The following LSAMP variants were observed in gnomAD, a reference collection of about 807,000 sequenced individuals.
LSAMP encodes the protein limbic system associated membrane protein.
In LSAMP, 7 loss-of-function variants were observed where a neutral mutation model predicts 38.6. The ratio of observed to expected loss-of-function variants is 0.18; its 90% CI spans 0.10 to 0.34. The LOEUF (loss-of-function observed/expected upper bound fraction) is 0.34, where lower values mean the gene tolerates loss of function less well. Among genes scored for constraint, LSAMP ranks in the 10% least tolerant of loss-of-function variants. The probability of loss-of-function intolerance (pLI) is 1.00; values close to 1 mark genes in which losing one functional copy is unlikely to be tolerated. For synonymous variants in LSAMP, 154 were observed against 166.8 expected (o/e 0.92, Z 0.59); for missense variants, 313 against 420.0 (o/e 0.75, Z 2.23).
chr3:115,984,134 C>T (rs1403021517), intron 3 of LSAMP, among the ~76,000 whole-genome samples: 1 of 151,864 alleles, frequency 6.6e-6, no homozygotes, highest in Non-Finnish European at 1.5e-5. Flanking sequence ...AGCTTAGAAT[C>T]AAGCTGGGTA....
At chr3:115,851,303 A>G (rs1935324001) in intron 4 of LSAMP, among the ~76,000 whole-genome samples, 1 of 152,140 alleles carries the variant, frequency 6.6e-6, no homozygotes, top group Non-Finnish European at 1.5e-5. Flanking sequence ...AATGCTGCAC[A>G]TAGTAGGTAT....
At chr3:116,074,920 C>T (rs11916641) in intron 2 of LSAMP, among the ~76,000 whole-genome samples, 2,643 of 147,294 alleles carry the variant, frequency 0.018, 82 homozygotes, top group African/African-American at 0.065. Flanking sequence ...CTCGGCTCAC[C>T]GCAACCTCCG....
intron 1 of LSAMP, among the ~76,000 whole-genome samples, chr3:116,303,459 AT>A (rs578198270): frequency 6.6e-6 from 1 of 152,126 alleles, no homozygotes; most frequent in Admixed American, 6.6e-5. Flanking sequence ...ATCTCAAATA[AT>A]TTTTTTCTAT....
intron 1 of LSAMP, among the ~76,000 whole-genome samples, chr3:116,348,659 C>T (rs963259670): frequency 2.0e-5 from 3 of 152,084 alleles, no homozygotes; most frequent in South Asian, 2.1e-4. Context: ...TATACAAACT[C>T]GTATTAATTC....
At chr3:116,366,392 T>C (rs2048353741) in intron 1 of LSAMP, among the ~76,000 whole-genome samples, 1 of 152,110 alleles carries the variant, frequency 6.6e-6, no homozygotes, top group African/African-American at 2.4e-5. Flanking sequence ...TTCATGAAAA[T>C]GAAGGCCAAG....
At chr3:115,892,768 T>C (rs2107461854) in intron 3 of LSAMP, among the ~76,000 whole-genome samples, 1 of 151,090 alleles carries the variant, frequency 6.6e-6, no homozygotes, top group African/African-American at 2.4e-5. Flanking sequence ...GGAAAAACTT[T>C]ACCTTCAGGA....
intron 1 of LSAMP, among the ~76,000 whole-genome samples, chr3:116,433,817 AC>A (rs1330432311): frequency 6.6e-6 from 1 of 152,120 alleles, no homozygotes; most frequent in Admixed American, 6.5e-5. Context: ...TCTCAGAGCT[AC>A]CCAGGATACT....
Position 116,226,314 on chromosome 3 carries a change from G to A in LSAMP, c.156-139758C>T, listed in dbSNP as rs185527460. On this transcript the variant is annotated intron_variant, in intron 1 of 6. Coordinates refer to ENST00000490035, the MANE Select transcript of LSAMP (RefSeq NM_002338.5). The stretch of plus-strand genomic sequence containing the variant: ...TAGCTGATTATCTATTCCAGGGAGA[G>A]CAAGATCAAAGTTTGATAAATTGCC... Among the ~76,000 whole-genome samples the A allele has an allele frequency of 3.9e-5, 6 of 152,284 alleles. No homozygotes were observed. In the East Asian group the frequency reaches 1.2e-3, roughly 29 times the overall value.
rs1014022317 is a variant in LSAMP at position 115,833,757 on chromosome 3, G to GT, written c.919+8087dup. Among the ~76,000 whole-genome samples, 7 of 136,444 alleles carry GT rather than the reference G, an allele frequency of 5.1e-5. No homozygotes were observed. In the South Asian group the frequency reaches 8.8e-4, roughly 17 times the overall value. 89.5% of individuals were successfully genotyped at this position (136,444 alleles called of 152,430 possible). A position where few individuals can be genotyped will look rare whatever the true frequency, so the allele number is the denominator to read the frequency against. ...CCAGGTCCCGCATGGCCTAGTTTCC[G>GT]TTTTTTTCTCAGGTCTTTGAGTCTA... On this transcript the variant is annotated intron_variant, in intron 6 of 6. Coordinates refer to ENST00000490035, the MANE Select transcript of LSAMP (RefSeq NM_002338.5).
chr3:116,161,432 C>T (rs1279957843), intron 1 of LSAMP, among the ~76,000 whole-genome samples: 1 of 152,090 alleles, frequency 6.6e-6, no homozygotes, highest in Non-Finnish European at 1.5e-5. Flanking sequence ...TGGTTAACTC[C>T]ATTTATTTGT....
intron 1 of LSAMP, among the ~76,000 whole-genome samples, chr3:116,349,819 G>A (rs1211887159): frequency 1.3e-5 from 2 of 152,012 alleles, no homozygotes; most frequent in African/African-American, 4.8e-5. Flanking sequence ...GTGAAGAAAA[G>A]TCTCTCTGGG....
chr3:115,867,127 C>T (rs1267582296), intron 3 of LSAMP, among the ~76,000 whole-genome samples: 6 of 151,796 alleles, frequency 4.0e-5, no homozygotes, highest in African/African-American at 1.5e-4. Context: ...ATCATTCTCA[C>T]TAACATATAA....
chr3:116,311,259 A>G (rs2047553869), intron 1 of LSAMP, among the ~76,000 whole-genome samples: 1 of 152,140 alleles, frequency 6.6e-6, no homozygotes, highest in Admixed American at 6.5e-5. Context: ...TTTACTTTCA[A>G]TATTAAAGTC....
chr3:116,249,132 G>C (rs1221111749), intron 1 of LSAMP, among the ~76,000 whole-genome samples: 1 of 127,668 alleles, frequency 7.8e-6, no homozygotes, highest in Admixed American at 8.1e-5. Context: ...CTGGGTGACA[G>C]AGCGAGACTC....
intron 1 of LSAMP, among the ~76,000 whole-genome samples, chr3:116,096,487 A>T (rs1708229397): frequency 6.6e-6 from 1 of 152,194 alleles, no homozygotes; most frequent in South Asian, 2.1e-4. Flanking sequence ...GGCCTCTTCT[A>T]GCCCACAGAA....
intron 3 of LSAMP, among the ~76,000 whole-genome samples, chr3:115,919,092 C>T (rs910167450): frequency 3.3e-5 from 5 of 152,140 alleles, no homozygotes; most frequent in Non-Finnish European, 7.3e-5. Flanking sequence ...GTAGGGCAGA[C>T]CACACAGCAC....
chr3:116,163,760 A>T (rs1001512335), intron 1 of LSAMP, among the ~76,000 whole-genome samples: 10 of 152,244 alleles, frequency 6.6e-5, no homozygotes, highest in Middle Eastern at 3.4e-3. Context: ...ATATTGATAC[A>T]AGTTCTTAGA....
intron 1 of LSAMP, among the ~76,000 whole-genome samples, chr3:116,145,885 TAC>T (rs966216666): frequency 5.3e-5 from 8 of 152,082 alleles, no homozygotes; most frequent in Middle Eastern, 6.8e-3. Context: ...TTGTATTGAC[TAC>T]AGTTTTTATT....
rs1941414770 is a variant in LSAMP, at chr3:116,052,511, C to T, written c.389-32871G>A. On this transcript the variant is annotated intron_variant, in intron 2 of 6. Coordinates refer to ENST00000490035, the MANE Select transcript of LSAMP (RefSeq NM_002338.5). The stretch of plus-strand genomic sequence containing the variant: ...TATAAATGTACTATAAGGATTTCTT[C>T]CTTCCTGGAAACTCCGGACTGGCTT... Among the ~76,000 whole-genome samples, 4 of 152,124 alleles carry T rather than the reference C, an allele frequency of 2.6e-5. No individual in the cohort carries two copies. The South Asian group carries it at 8.3e-4, about 32-fold the overall frequency.
Sources: gnomAD v4.1 joint callset for allele counts (sites outside exome capture counted in the v4.1 genomes callset) on GRCh38, gnomAD v4.1.1 for gene constraint, MANE v1.5 for transcripts, NCBI Gene and HGNC (gene_info 2026-07-23, HGNC 2026-07-21) for gene names.